PRDM2: variants seen among roughly 807,000 people sequenced by gnomAD.
The protein encoded by PRDM2 is PR/SET domain 2.
Under a neutral mutation model 130.0 loss-of-function variants are expected in PRDM2, and 30 were observed. That is an observed-to-expected ratio of 0.23 (90% confidence interval 0.17 to 0.31). The LOEUF (loss-of-function observed/expected upper bound fraction) is 0.31, where lower values mean the gene tolerates loss of function less well. Among genes scored for constraint, PRDM2 ranks in the 10% least tolerant of loss-of-function variants. The pLI is 1.00. For synonymous variants in PRDM2, 871 were observed against 782.4 expected (o/e 1.11, Z -1.89); for missense variants, 2,011 against 2,108.4 (o/e 0.95, Z 0.90).
rs184725317 is a variant in PRDM2, at chr1:13,709,880, C to T, written c.-65-5661C>T. Among the ~76,000 whole-genome samples the T allele has an allele frequency of 2.0e-5, 3 of 152,250 alleles. No individual in the cohort carries two copies. The East Asian group carries it at 5.8e-4, about 29-fold the overall frequency. Reference sequence around the variant, plus strand: ...AATTATAAAATAGTATAAGTGACCTCTATGTGTCTATTGCAAAGTTAATTA... The same window carrying T: ...AATTATAAAATAGTATAAGTGACCTTTATGTGTCTATTGCAAAGTTAATTA... On this transcript the variant is annotated intron_variant, in intron 1 of 9. Transcript: ENST00000311066.
rs765070331 is a variant in PRDM2 at position 13,816,532 on chromosome 1, A to G, written c.5142A>G (p.Pro1714=). ...KAPAAAQFQG[P]FFKE ...CAGCTGCAGCCCAGTTCCAGGGACC[A>G]TTCTTCAAAGAGTAGACACTCTGGC... is the stretch of plus-strand genomic sequence containing the variant. The change falls in exon 9 of 10, where the codon CCA becomes CCG. Residue 1714 remains proline (P), a synonymous_variant. Coordinates refer to ENST00000311066, the MANE Select transcript of PRDM2 (RefSeq NM_001393986.1). 6.2e-7 allele frequency: 1 copy of G among 1,614,154 alleles called. No individual in the cohort carries two copies. Among genetic ancestry groups the G allele is most frequent in the Non-Finnish European group, 8.5e-7 (1 of 1,179,994 alleles).
chr1:13,823,469 A>G lies in PRDM2; in HGVS notation c.*334A>G, dbSNP rs1645386037. On this transcript the variant is annotated 3_prime_UTR_variant, in exon 10 of 10. Transcript: ENST00000311066. ...CTGTTGGGGTGGGGCCTCTCCTACT[A>G]TGCAATTTTTCAAGAGCTCCTTGAC... 2 of 461,058 alleles carry G rather than the reference A, an allele frequency of 4.3e-6. No homozygotes were observed. Among genetic ancestry groups the G allele is most frequent in the Non-Finnish European group, 7.7e-6 (2 of 258,498 alleles). 28.6% of individuals were successfully genotyped at this position (461,058 alleles called of 1,614,324 possible).
At chr1:13,729,526 T>A (rs1450532446) in intron 2 of PRDM2, among the ~76,000 whole-genome samples, 4 of 152,192 alleles carry the variant, frequency 2.6e-5, no homozygotes, top group African/African-American at 9.7e-5. Context: ...GGAAATAAAT[T>A]GTTCACATTT....
In PRDM2 at chr1:13,714,865, G is replaced by A. The variant is rs184329772; in HGVS notation, c.-65-676G>A. Among the ~76,000 whole-genome samples the A allele has an allele frequency of 1.7e-4, 26 of 152,268 alleles. No homozygotes were observed. In the South Asian group the frequency reaches 3.9e-3, roughly 23 times the overall value. On this transcript the variant is annotated intron_variant, in intron 1 of 9. Coordinates refer to ENST00000311066, the MANE Select transcript of PRDM2 (RefSeq NM_001393986.1). Reference sequence around the variant, plus strand: ...TTACATCAAATGACTCAAGGCATACGTTGCAGAAAGGACCATTTTCAGAGA... The same window carrying A: ...TTACATCAAATGACTCAAGGCATACATTGCAGAAAGGACCATTTTCAGAGA...
chr1:13,770,779 G>A (rs1644342475), intron 6 of PRDM2, among the ~76,000 whole-genome samples: 2 of 152,168 alleles, frequency 1.3e-5, no homozygotes, highest in Non-Finnish European at 1.5e-5. Context: ...CATTGTTTGG[G>A]TTCAGAGAAA....
chr1:13,722,964 C>G, intron 2 of PRDM2: 1 of 416,270 alleles, frequency 2.4e-6, no homozygotes, highest in South Asian at 1.7e-5. Flanking sequence ...TGCCCAAACC[C>G]TCTTGTGTCA....
chr1:13,740,901 A>G (rs1167409264), intron 4 of PRDM2, among the ~76,000 whole-genome samples: 1 of 152,202 alleles, frequency 6.6e-6, no homozygotes. Flanking sequence ...GCTTTGTTCC[A>G]GAAGGAAAGT....
rs762927119 is a variant in PRDM2 at position 13,803,181 on chromosome 1, C to T, written c.5037-13246C>T. 1.1e-4 allele frequency among the ~76,000 whole-genome samples: 17 copies of T among 152,110 alleles called. No individual in the cohort carries two copies. The highest frequency in any genetic ancestry group is 1.9e-4 in the African/African-American group (8 of 41,416). ...TGGGGACCTTGTCCCCTGGTTTGGG[C>T]GGGACCTTGGCAATGAGAGAAACCG... is the stretch of plus-strand genomic sequence containing the variant. On this transcript the variant is annotated intron_variant, in intron 8 of 9. Transcript: ENST00000311066. The surrounding 1 kb of genome is among the most constrained non-coding windows in gnomAD (Gnocchi z 6.2).
chr1:13,811,563 G>C (rs116464484), intron 8 of PRDM2, among the ~76,000 whole-genome samples: 4,016 of 152,270 alleles, frequency 0.026, 173 homozygotes, highest in African/African-American at 0.091. Context: ...ATCCCTCATG[G>C]CTGCCTCCAC....
At position 13,742,090 on chromosome 1, in the gene PRDM2, G is replaced by C; in HGVS notation, c.317G>C (p.Cys106Ser). The C allele has an allele frequency of 6.2e-7, 1 of 1,613,100 alleles. No individual in the cohort carries two copies. The highest frequency in any genetic ancestry group is 8.5e-7 in the Non-Finnish European group (1 of 1,179,056). Residue 106 changes from cysteine (C) to serine (S), a missense_variant, in exon 5 of 10, where the codon TGC (cysteine) becomes TCC (serine). By Grantham distance (112) the Cys-to-Ser change is moderately radical. This residue lies in a region of PRDM2 where 1,288 missense variants were observed against 1,237.7 expected (regional missense o/e 1.04). Transcript: ENST00000311066. ...TGGCTGCGATATGTGAATTGGGCTT[G>C]CTCAGGAGAAGAGCAAAATTTATTC... ...GNWLRYVNWA[C>S]SGEEQNLFPL...
chr1:13,793,901 G>T (rs1032477186), intron 8 of PRDM2, among the ~76,000 whole-genome samples: 1 of 152,212 alleles, frequency 6.6e-6, no homozygotes, highest in African/African-American at 2.4e-5. Context: ...CAGCTTGTGG[G>T]CTGCAGGTCG....
chr1:13,824,791 G>A lies in PRDM2; in HGVS notation c.*1656G>A, dbSNP rs984933060. 3 of 152,396 alleles carry A rather than the reference G, an allele frequency of 2.0e-5. No homozygotes were observed. Among genetic ancestry groups the A allele is most frequent in the Admixed American group, 6.5e-5 (1 of 15,278 alleles). The allele number at this position is 152,396 out of a possible 1,614,324, so 9.4% of individuals were successfully genotyped here. A position where few individuals can be genotyped will look rare whatever the true frequency, so the allele number is the denominator to read the frequency against. The stretch of plus-strand genomic sequence containing the variant: ...TCTTGAGGGCCTCCCCACCGCAGCA[G>A]CAAGGAAAGCTCACGAACCCCAAAC... On this transcript the variant is annotated 3_prime_UTR_variant, in exon 10 of 10. Coordinates refer to ENST00000311066, the MANE Select transcript of PRDM2 (RefSeq NM_001393986.1).
At chr1:13,769,322 C>G (rs1005275009) in intron 6 of PRDM2, 10 of 274,114 alleles carry the variant, frequency 3.6e-5, no homozygotes, top group African/African-American at 2.3e-4. Context: ...GGACAGAAAT[C>G]AGGTGTCAGA....
intron 8 of PRDM2, among the ~76,000 whole-genome samples, chr1:13,795,676 ATCT>A (rs922285582): frequency 2.0e-5 from 3 of 152,280 alleles, no homozygotes; most frequent in Non-Finnish European, 4.4e-5. Flanking sequence ...CCCATTTTGT[ATCT>A]TCTTGGGAAA....
intron 6 of PRDM2, among the ~76,000 whole-genome samples, chr1:13,759,363 T>C (rs920326142): frequency 3.3e-5 from 5 of 152,226 alleles, no homozygotes; most frequent in African/African-American, 1.2e-4. Flanking sequence ...CAATGCCGTT[T>C]AGAATGGGCA....
intron 5 of PRDM2, among the ~76,000 whole-genome samples, chr1:13,746,171 G>A (rs1038565525): frequency 4.6e-5 from 7 of 152,088 alleles, no homozygotes; most frequent in African/African-American, 1.7e-4. Flanking sequence ...AAAGTGGGAA[G>A]AGTTTAAAAT....
intron 8 of PRDM2, among the ~76,000 whole-genome samples, chr1:13,786,287 A>C (rs1055095018): frequency 6.6e-6 from 1 of 152,062 alleles, no homozygotes; most frequent in African/African-American, 2.4e-5. Context: ...AAAAAGTGCT[A>C]ATTTCTCATG....
chr1:13,743,654 G>T lies in PRDM2; in HGVS notation c.384+1497G>T, dbSNP rs61775110. On this transcript the variant is annotated intron_variant, in intron 5 of 9. Coordinates refer to ENST00000311066, the MANE Select transcript of PRDM2 (RefSeq NM_001393986.1). ...GAGCACACATTTCAAATTGTGGCCA[G>T]CTTTGCAGTGTGCTGTGTTTTGTTA... 5.1e-4 allele frequency among the ~76,000 whole-genome samples: 78 copies of T among 152,346 alleles called. 1 individual carries two copies. Among genetic ancestry groups the T allele is most frequent in the Non-Finnish European group, 9.8e-4 (67 of 68,032 alleles).
intron 2 of PRDM2, among the ~76,000 whole-genome samples, chr1:13,722,097 T>C (rs1393244043): frequency 6.6e-6 from 1 of 152,200 alleles, no homozygotes; most frequent in Non-Finnish European, 1.5e-5. Context: ...CTATTACTGC[T>C]TGAATTCAGA....
Sources: gnomAD v4.1 joint callset for allele counts (sites outside exome capture counted in the v4.1 genomes callset) on GRCh38, gnomAD v4.1.1 for gene constraint, gnomAD v4.1.1 regional missense constraint, Gnocchi (gnomAD v3.1) non-coding constraint, MANE v1.5 for transcripts, NCBI Gene and HGNC (gene_info 2026-07-23, HGNC 2026-07-21) for gene names.